Variants in ITGA1 observed in about 807,000 individuals in gnomAD.
ITGA1 encodes the protein integrin alpha-1.
Under a neutral mutation model 145.9 loss-of-function variants are expected in ITGA1, and 85 were observed. That is an observed-to-expected ratio of 0.58 (90% CI 0.49 to 0.70). ITGA1 has a LOEUF of 0.70. ITGA1 is among the 30% of genes least tolerant of loss of function. The pLI, the probability that ITGA1 is intolerant of heterozygous loss-of-function variation, is 0.00. For synonymous variants in ITGA1, 520 were observed against 495.3 expected, an observed-to-expected ratio of 1.05 and a Z score of -0.66; for missense variants, 1,351 against 1,418.7, an observed-to-expected ratio of 0.95 and a Z score of 0.77.
chr5:52,893,868 G>T, intron 9 of ITGA1, 28 bp downstream of exon 9: 1 of 1,543,340 alleles, frequency 6.5e-7, no homozygotes. Context: ...ATTGCTGCAT[G>T]TTCTCTCTGC....
intron 15 of ITGA1, among the ~76,000 whole-genome samples, chr5:52,915,819 T>C (rs867363248): frequency 2.6e-5 from 4 of 152,218 alleles, no homozygotes; most frequent in African/African-American, 2.4e-5. Context: ...GTGTCTATTA[T>C]GTGGTTTACA....
chr5:52,791,312 A>C (rs1748234365), intron 1 of ITGA1, among the ~76,000 whole-genome samples: 1 of 152,160 alleles, frequency 6.6e-6, no homozygotes, highest in South Asian at 2.1e-4. Context: ...ACCTGAAGCA[A>C]GGTGAGAAGA....
intron 11 of ITGA1, among the ~76,000 whole-genome samples, chr5:52,899,127 G>T (rs938809562): frequency 2.0e-5 from 3 of 152,150 alleles, no homozygotes; most frequent in Admixed American, 6.5e-5. Flanking sequence ...ATATTTGGGG[G>T]ATCCTCTTTT....
At chr5:52,907,132 T>C (rs998864403) in intron 12 of ITGA1, among the ~76,000 whole-genome samples, 6 of 152,192 alleles carry the variant, frequency 3.9e-5, no homozygotes, top group African/African-American at 1.2e-4. Flanking sequence ...AGTGGTAAAG[T>C]TGAAATCCCA....
At chr5:52,836,422 C>T (rs182658442) in intron 1 of ITGA1, among the ~76,000 whole-genome samples, 95 of 152,218 alleles carry the variant, frequency 6.2e-4, no homozygotes, top group Middle Eastern at 3.4e-3. Context: ...TTTGTGTAAG[C>T]AAATTGAACT....
intron 24 of ITGA1, among the ~76,000 whole-genome samples, chr5:52,938,603 T>C (rs1751007003): frequency 6.6e-6 from 1 of 152,228 alleles, no homozygotes; most frequent in African/African-American, 2.4e-5. Flanking sequence ...GTACTTTTCA[T>C]ACTGCTTAGG....
intron 1 of ITGA1, among the ~76,000 whole-genome samples, chr5:52,830,696 T>C (rs1345268526): frequency 6.6e-6 from 1 of 152,174 alleles, no homozygotes; most frequent in African/African-American, 2.4e-5. Flanking sequence ...TAATGTGGAA[T>C]AGTAGTTGCA....
intron 6 of ITGA1, among the ~76,000 whole-genome samples, 196 bp from the exon 7 acceptor site, chr5:52,881,677 T>C (rs533417870): frequency 1.8e-4 from 28 of 152,372 alleles, no homozygotes; most frequent in African/African-American, 5.0e-4. Context: ...AGTAACAGCA[T>C]GTTTGCTTTT....
In ITGA1 at chr5:52,861,836, C is replaced by T. The variant is rs183070448; in HGVS notation, c.295+277C>T. 4.2e-3 allele frequency among the ~76,000 whole-genome samples: 623 copies of T among 148,070 alleles called. 3 individuals carry two copies. The highest frequency in any genetic ancestry group is 0.015 in the African/African-American group (601 of 39,676). ...AGTGAATGGTAATTGCGCCACTGCA[C>T]TCCAGCCTGGGTGACAGAGTGAGAC... On this transcript the variant is annotated intron_variant, in intron 3 of 28. Transcript: ENST00000282588.
chr5:52,948,704 T>C (rs927981489), intron 28 of ITGA1: 1 of 152,246 alleles, frequency 6.6e-6, no homozygotes, highest in Non-Finnish European at 1.5e-5. Flanking sequence ...GCCTGGCTTA[T>C]TGGTGTCAAG....
chr5:52,916,761 A>T (rs1318255409), intron 15 of ITGA1, among the ~76,000 whole-genome samples: 1 of 152,198 alleles, frequency 6.6e-6, no homozygotes, highest in Non-Finnish European at 1.5e-5. Context: ...GACAATGGAT[A>T]TACTTCAATT....
chr5:52,858,748 C>T (rs533037438), intron 2 of ITGA1, among the ~76,000 whole-genome samples: 129 of 152,222 alleles, frequency 8.5e-4, no homozygotes, highest in Non-Finnish European at 1.4e-3. Flanking sequence ...ATTAATCTTT[C>T]AACATCGATG....
At chr5:52,855,421 T>TAAAAA (rs1749497556) in intron 2 of ITGA1, among the ~76,000 whole-genome samples, 1 of 152,200 alleles carries the variant, frequency 6.6e-6, no homozygotes, top group African/African-American at 2.4e-5. Flanking sequence ...TTATTCAGAT[T>TAAAAA]TTTAAGTACT....
At chr5:52,832,788 TGTGTG>T (rs1749094448) in intron 1 of ITGA1, among the ~76,000 whole-genome samples, 1 of 146,634 alleles carries the variant, frequency 6.8e-6, no homozygotes, top group African/African-American at 2.6e-5. Flanking sequence ...TGTGTGTGTG[TGTGTG>T]TGTGTGTGTG....
rs148946513 is a variant in ITGA1, at chr5:52,801,486, C to T, written c.61+13072C>T. On this transcript the variant is annotated intron_variant, in intron 1 of 28. Coordinates refer to ENST00000282588, the MANE Select transcript of ITGA1 (RefSeq NM_181501.2). ...CTACTGTGGCTAGCCGCCTTTCAGA[C>T]ACTAAAGCTGCTGGGGAAGTCAAAG... 5 of 1,614,048 alleles carry T rather than the reference C, an allele frequency of 3.1e-6. No individual in the cohort carries two copies. In the African/African-American group the frequency reaches 6.7e-5, roughly 22 times the overall value.
chr5:52,912,202 T>C (rs1750566440), intron 14 of ITGA1, among the ~76,000 whole-genome samples: 1 of 144,480 alleles, frequency 6.9e-6, no homozygotes, highest in South Asian at 2.2e-4. Flanking sequence ...ATAGTGTATC[T>C]AGTATATAGA....
chr5:52,808,819 G>T (rs2111680831), intron 1 of ITGA1, among the ~76,000 whole-genome samples: 1 of 151,384 alleles, frequency 6.6e-6, no homozygotes, highest in African/African-American at 2.4e-5. Context: ...GTTCCTTCAT[G>T]TTACAGATTT....
chr5:52,905,860 G>T lies in ITGA1; in HGVS notation c.1407G>T (p.Arg469Ser), dbSNP rs767772303. ...YNHTGQVIIY[R>S]MEDGNIKILQ... is the part of the protein sequence containing the mutation. ...ATACAGGCCAGGTCATTATCTACAG[G>T]ATGGAAGATGGAAACATCAAAATTC... Residue 469 changes from arginine to serine, a missense_variant, in exon 12 of 29, where the codon AGG (arginine) becomes AGT (serine). Transcript: ENST00000282588. The T allele has an allele frequency of 1.2e-6, 2 of 1,613,416 alleles. No individual in the cohort carries two copies. Among genetic ancestry groups the T allele is most frequent in the Non-Finnish European group, 1.7e-6 (2 of 1,179,666 alleles).
chr5:52,849,536 A>G, intron 2 of ITGA1, 51 bp downstream of exon 2: 5 of 1,419,328 alleles, frequency 3.5e-6, no homozygotes, highest in Non-Finnish European at 4.7e-6. Flanking sequence ...CAAGGTAATG[A>G]GAAATATTAT....
Sources: allele counts gnomAD v4.1 joint callset (sites outside exome capture counted in the v4.1 genomes callset), GRCh38; gene constraint gnomAD v4.1.1; transcripts MANE v1.5; gene names NCBI Gene and HGNC (gene_info 2026-07-23, HGNC 2026-07-21).